EIF3E: variants seen among roughly 807,000 people sequenced by gnomAD.
The protein encoded by EIF3E is eIF-3 p48.
EIF3E carries 25 observed loss-of-function variants against 59.3 expected under a neutral mutation model. The observed-to-expected ratio is 0.42, with a 90% CI of 0.31 to 0.59. The LOEUF is 0.59. Among genes scored for constraint, EIF3E ranks in the 20% least tolerant of loss-of-function variants. The probability of loss-of-function intolerance (pLI) is 0.15; values close to 1 mark genes in which losing one functional copy is unlikely to be tolerated. For missense variants in EIF3E, 317 were observed against 534.3 expected (o/e 0.59, Z 4.01); for synonymous variants, 176 against 170.2 (o/e 1.03, Z -0.26).
intron 7 of EIF3E, among the ~76,000 whole-genome samples, chr8:108,223,824 G>GTAA (rs1815468475): frequency 6.7e-6 from 1 of 148,758 alleles, no homozygotes; most frequent in South Asian, 2.1e-4. Context: ...GGCAGAAATG[G>GTAA]TAATATATGT....
chr8:108,241,467 A>G (rs936329614), intron 2 of EIF3E, among the ~76,000 whole-genome samples: 2 of 152,162 alleles, frequency 1.3e-5, no homozygotes, highest in Non-Finnish European at 1.5e-5. Context: ...TCTAAGGCAC[A>G]CAATGCACTA....
chr8:108,224,098 TG>T (rs1307354867), intron 7 of EIF3E, among the ~76,000 whole-genome samples: 6 of 149,508 alleles, frequency 4.0e-5, no homozygotes, highest in Non-Finnish European at 7.4e-5. Context: ...GGTGGGCGCC[TG>T]TAGTCCCAGC....
At position 108,201,784 on chromosome 8, in the gene EIF3E, G is replaced by T; in HGVS notation, c.*101C>A. The T allele has an allele frequency of 1.0e-6, 1 of 954,580 alleles. No homozygotes were observed. Among genetic ancestry groups the T allele is most frequent in the Non-Finnish European group, 1.4e-6 (1 of 700,568 alleles). The allele number at this position is 954,580 out of a possible 1,614,324, so 59.1% of individuals were successfully genotyped here. Reference sequence around the variant, plus strand: ...TATTCCAATTCTTCAAAATTTATACGTAATATGTTGTTTCCAAAATGTAAG... The same window carrying T: ...TATTCCAATTCTTCAAAATTTATACTTAATATGTTGTTTCCAAAATGTAAG... On this transcript the variant is annotated 3_prime_UTR_variant, in exon 13 of 13. Transcript: ENST00000220849.
intron 1 of EIF3E, among the ~76,000 whole-genome samples, chr8:108,244,889 C>T (rs1048234250): frequency 6.6e-6 from 1 of 151,856 alleles, no homozygotes; most frequent in Admixed American, 6.6e-5. Flanking sequence ...TATTCGATCA[C>T]ATCTGTGCTT....
At position 108,216,475 on chromosome 8, in the gene EIF3E, A is replaced by C. The variant is rs1252172004; in HGVS notation, c.888T>G (p.Val296=). Residue 296 remains valine (V), a synonymous_variant, in exon 9 of 13, where the codon GTT becomes GTG. Coordinates refer to ENST00000220849, the MANE Select transcript of EIF3E (RefSeq NM_001568.3). The part of the protein sequence containing the change: ...YTYKDPITEF[V]ECLYVNFDFD... ...AGTCAAAGTTAACATATAAACATTCAACAAATTCTGTAATTGGGTCTTTAT... is the reference window on the plus strand; with the variant it reads ...AGTCAAAGTTAACATATAAACATTCCACAAATTCTGTAATTGGGTCTTTAT... The C allele has an allele frequency of 2.5e-6, 4 of 1,609,860 alleles. No homozygotes were observed. The Admixed American group carries it at 6.8e-5, about 27-fold the overall frequency.
chr8:108,235,676 GTTTC>G (rs1314552308), intron 4 of EIF3E, among the ~76,000 whole-genome samples: 2 of 152,178 alleles, frequency 1.3e-5, no homozygotes, highest in South Asian at 2.1e-4. Flanking sequence ...AGCTTACGAT[GTTTC>G]TTTATTTGTG....
intron 10 of EIF3E, among the ~76,000 whole-genome samples, chr8:108,205,233 A>C (rs1271296368): frequency 6.6e-6 from 1 of 152,160 alleles, no homozygotes; most frequent in African/African-American, 2.4e-5. Context: ...TCTGCTTCCA[A>C]GGTAGACCGT....
intron 7 of EIF3E, among the ~76,000 whole-genome samples, chr8:108,221,914 AT>A (rs929070291): frequency 6.6e-6 from 1 of 152,042 alleles, no homozygotes; most frequent in East Asian, 1.9e-4. Context: ...TTCTTTTCAC[AT>A]TTTTTTAGCC....
chr8:108,238,922 CA>C (rs1238687543), intron 3 of EIF3E, among the ~76,000 whole-genome samples: 9 of 152,068 alleles, frequency 5.9e-5, no homozygotes, highest in African/African-American at 1.9e-4. Flanking sequence ...TCTAGTAACC[CA>C]AAAGACTTCC....
intron 10 of EIF3E, among the ~76,000 whole-genome samples, chr8:108,206,867 C>A (rs1346118217): frequency 6.6e-6 from 1 of 152,146 alleles, no homozygotes; most frequent in Non-Finnish European, 1.5e-5. Flanking sequence ...CTCTCTCTTT[C>A]TTTACATCCA....
intron 10 of EIF3E, among the ~76,000 whole-genome samples, chr8:108,209,995 T>C (rs1427107728): frequency 6.6e-6 from 1 of 152,080 alleles, no homozygotes; most frequent in Non-Finnish European, 1.5e-5. Context: ...GGTCTTTTTA[T>C]CATTTCTTAC....
chr8:108,221,299 A>G (rs1031836558), intron 7 of EIF3E, among the ~76,000 whole-genome samples: 1 of 152,148 alleles, frequency 6.6e-6, no homozygotes, highest in African/African-American at 2.4e-5. Flanking sequence ...GCATGAGGCA[A>G]TGCTCTGGGC....
intron 10 of EIF3E, among the ~76,000 whole-genome samples, chr8:108,206,616 A>G (rs1475890215): frequency 7.0e-6 from 1 of 142,978 alleles, no homozygotes; most frequent in Non-Finnish European, 1.5e-5. Context: ...ACACACACAC[A>G]CTGGCATGGT....
At chr8:108,236,111 G>C (rs1563636213) in intron 4 of EIF3E, 50 bp downstream of exon 4, 3 of 1,523,802 alleles carry the variant, frequency 2.0e-6, no homozygotes, top group Non-Finnish European at 2.7e-6. Context: ...CCAGTCTTTA[G>C]TCAGCATTAT....
rs368421582 is a variant in EIF3E at position 108,240,093 on chromosome 8, A to G, written c.206-18T>C. The G allele has an allele frequency of 2.1e-5, 33 of 1,572,194 alleles. No homozygotes were observed. Among genetic ancestry groups the G allele is most frequent in the African/African-American group, 6.7e-5 (5 of 74,096 alleles). On this transcript the variant is annotated intron_variant, in intron 2 of 12. Coordinates refer to ENST00000220849, the MANE Select transcript of EIF3E (RefSeq NM_001568.3). ...TCTCAAAGCTAATTAAAAATGCAGA[A>G]GAGCACTACAATGTTAAGGAATGTT...
At chr8:108,204,442 T>C (rs933282269) in intron 10 of EIF3E, among the ~76,000 whole-genome samples, 10 of 151,966 alleles carry the variant, frequency 6.6e-5, no homozygotes, top group African/African-American at 2.2e-4. Flanking sequence ...GGTGAAGTAA[T>C]GCAGGAGTGG....
intron 1 of EIF3E, 166 bp from the exon 2 acceptor site, chr8:108,242,079 A>G: frequency 7.0e-7 from 1 of 1,435,818 alleles, no homozygotes; most frequent in Non-Finnish European, 9.2e-7. Context: ...ATGGCAAGCA[A>G]CCAACCTATA....
chr8:108,228,157 A>C (rs1256991969), intron 7 of EIF3E, 110 bp downstream of exon 7: 264 of 1,256,324 alleles, frequency 2.1e-4, no homozygotes, highest in Non-Finnish European at 2.7e-4. Flanking sequence ...AAGAAAAAAA[A>C]AAACAGGTGA....
chr8:108,241,970 T>C (rs553338588), intron 1 of EIF3E, 57 bp from the exon 2 acceptor site: 1 of 1,280,698 alleles, frequency 7.8e-7, no homozygotes, highest in Admixed American at 2.3e-5. Context: ...ATAAACTGAT[T>C]AATACTAAAA....
Sources: allele counts gnomAD v4.1 joint callset (sites outside exome capture counted in the v4.1 genomes callset), GRCh38; gene constraint gnomAD v4.1.1; transcripts MANE v1.5; gene names NCBI Gene and HGNC (gene_info 2026-07-23, HGNC 2026-07-21).